Variants in OSGIN2 observed in about 807,000 individuals in gnomAD.
OSGIN2 encodes the protein oxidative stress induced growth inhibitor family member 2, also known as oxidative stress-induced growth inhibitor 2.
A neutral mutation model predicts 53.8 loss-of-function variants in OSGIN2; 19 were observed. That is an observed-to-expected ratio of 0.35 (90% CI 0.25 to 0.52). OSGIN2 has a LOEUF of 0.52. Ranked by LOEUF, OSGIN2 falls within the 20% of genes least tolerant of loss-of-function variation. The pLI is 0.95. For missense variants in OSGIN2, 520 were observed against 662.7 expected (o/e 0.78, Z 2.36); for synonymous variants, 236 against 236.0 (o/e 1.00, Z 0.00).
chr8:89,914,405 G>A (rs1809035468), intron 3 of OSGIN2, 150 bp from the exon 4 acceptor site: 2 of 700,794 alleles, frequency 2.9e-6, no homozygotes, highest in Non-Finnish European at 4.7e-6. Context: ...AGAGTTTTCT[G>A]AATTATTTTC....
chr8:89,902,802 G>A lies in OSGIN2; in HGVS notation c.9G>A (p.Val3=). 1.5e-6 allele frequency: 2 copies of A among 1,350,298 alleles called. No homozygotes were observed. Among genetic ancestry groups the A allele is most frequent in the African/African-American group, 1.5e-5 (1 of 67,026 alleles). The allele number at this position is 1,350,298 out of a possible 1,614,324, so 83.6% of individuals were successfully genotyped here. Residue 3 remains valine, a synonymous_variant, in exon 1 of 6, where the codon GTG becomes GTA. Transcript: ENST00000451899. ...CCCTCGCGCAGCGCTCCATGCCCGT[G>A]TGGTGCTGCCGCTGCTCCCTGGCCG... is the stretch of plus-strand genomic sequence containing the variant. The part of the protein sequence containing the change: MP[V]WCCRCSLAGH...
chr8:89,904,082 G>C (rs1236585376), intron 1 of OSGIN2, among the ~76,000 whole-genome samples: 1 of 152,168 alleles, frequency 6.6e-6, no homozygotes, highest in Admixed American at 6.6e-5. Flanking sequence ...TGAGTCTCTA[G>C]GTTGTGGATA....
rs529610109 is a variant in OSGIN2 at position 89,924,709 on chromosome 8, A to C, written c.827A>C (p.Lys276Thr). 6.2e-7 allele frequency: 1 copy of C among 1,614,132 alleles called. No homozygotes were observed. Among genetic ancestry groups the C allele is most frequent in the Admixed American group, 1.7e-5 (1 of 60,020 alleles). Residue 276 changes from lysine (K) to threonine (T), a missense_variant, in exon 6 of 6, where the codon AAG becomes ACG. By Grantham distance (78) the Lys-to-Thr change is moderately conservative (BLOSUM62 -1). Transcript: ENST00000451899. ...CAGATAGAGAAGTCAAACTTTATCA[A>C]GAGAAACTGGGAAATTAGGGGTTAT... ...HLQIEKSNFIKRNWEIRGYQR... is the reference protein window; with the variant it reads ...HLQIEKSNFITRNWEIRGYQR...
chr8:89,921,424 T>G (rs1809201074), intron 5 of OSGIN2: 3 of 347,178 alleles, frequency 8.6e-6, no homozygotes, highest in Non-Finnish European at 1.6e-5. Context: ...TTATCTACTG[T>G]CTTGTTACAT....
intron 5 of OSGIN2, 110 bp from the exon 6 acceptor site, chr8:89,924,393 G>A (rs918973015): frequency 1.3e-6 from 1 of 772,232 alleles, no homozygotes; most frequent in African/African-American, 1.7e-5. Context: ...GTATAGCTAA[G>A]ACAGTCCAGC....
intron 1 of OSGIN2, among the ~76,000 whole-genome samples, chr8:89,908,212 CA>C (rs1416224392): frequency 1.3e-5 from 2 of 152,162 alleles, no homozygotes; most frequent in Admixed American, 1.3e-4. Flanking sequence ...ATGGATTGAG[CA>C]TATAAAACTT....
intron 4 of OSGIN2, among the ~76,000 whole-genome samples, chr8:89,915,558 C>T (rs1809060625): frequency 6.6e-6 from 1 of 152,128 alleles, no homozygotes; most frequent in East Asian, 1.9e-4. Flanking sequence ...ATTAGGGGGC[C>T]AGTAAGTAAT....
At chr8:89,914,364 C>T in intron 3 of OSGIN2, 151 bp downstream of exon 3, 1 of 706,986 alleles carries the variant, frequency 1.4e-6, no homozygotes, top group Non-Finnish European at 2.3e-6. Context: ...TTCTGAGTTA[C>T]TTCTGTTTAT....
At chr8:89,903,508 A>G (rs755989063) in intron 1 of OSGIN2, among the ~76,000 whole-genome samples, 13 of 152,256 alleles carry the variant, frequency 8.5e-5, no homozygotes, top group Non-Finnish European at 1.2e-4. Context: ...ATGGTTAAGC[A>G]TAGGGAATAC....
rs1431514256 is a variant in OSGIN2 at position 89,924,425 on chromosome 8, C to G, written c.621-78C>G. ...CAGCAGAATTAAAAAGCTATAAAAG[C>G]TTACTAGGTAGATAAGTAATAATCA... On this transcript the variant is annotated intron_variant, in intron 5 of 5. Coordinates refer to ENST00000451899, the MANE Select transcript of OSGIN2 (RefSeq NM_001126111.3). The G allele has an allele frequency of 1.8e-5, 19 of 1,029,758 alleles. No homozygotes were observed. The Admixed American group carries it at 4.4e-4, about 24-fold the overall frequency. The allele number at this position is 1,029,758 out of a possible 1,614,324, so 63.8% of individuals were successfully genotyped here.
At chr8:89,912,563 C>A (rs141207149) in intron 2 of OSGIN2, among the ~76,000 whole-genome samples, 1 of 151,892 alleles carries the variant, frequency 6.6e-6, no homozygotes, top group Non-Finnish European at 1.5e-5. Context: ...CTGGCCAACA[C>A]GCTGAAACCC....
chr8:89,907,807 A>G (rs1387549149), intron 1 of OSGIN2, among the ~76,000 whole-genome samples: 1 of 152,142 alleles, frequency 6.6e-6, no homozygotes, highest in Non-Finnish European at 1.5e-5. Flanking sequence ...TGTCATCGGG[A>G]GTTTAATGGG....
rs1809345831 is a variant in OSGIN2 at position 89,926,888 on chromosome 8, TAGG to T, written c.*1358_*1360del. 1 of 152,222 alleles carries T rather than the reference TAGG, an allele frequency of 6.6e-6. No homozygotes were observed. Among genetic ancestry groups the T allele is most frequent in the South Asian group, 2.1e-4 (1 of 4,830 alleles). The allele number at this position is 152,222 out of a possible 1,614,324, so 9.4% of individuals were successfully genotyped here. ...TGCAGTATTAAATGCTTAAGCTTAT[TAGG>T]ACCATAATTCACTTTAAATATAATT... On this transcript the variant is annotated 3_prime_UTR_variant, in exon 6 of 6. Coordinates refer to ENST00000451899, the MANE Select transcript of OSGIN2 (RefSeq NM_001126111.3).
intron 4 of OSGIN2, among the ~76,000 whole-genome samples, chr8:89,919,083 C>G (rs776502674): frequency 6.6e-6 from 1 of 152,146 alleles, no homozygotes; most frequent in Non-Finnish European, 1.5e-5. Flanking sequence ...ATGTAGACTT[C>G]GTAATGTATC....
chr8:89,907,102 TTTCTG>T (rs1183230740), intron 1 of OSGIN2, among the ~76,000 whole-genome samples: 1 of 152,184 alleles, frequency 6.6e-6, no homozygotes, highest in African/African-American at 2.4e-5. Context: ...TTTGCCCACT[TTTCTG>T]TGGGGTTGTT....
intron 5 of OSGIN2, among the ~76,000 whole-genome samples, chr8:89,921,554 A>ACC (rs1161119256): frequency 6.6e-6 from 1 of 152,220 alleles, no homozygotes. Context: ...AACTCTGCAT[A>ACC]CCTAAAGTGT....
At chr8:89,917,461 C>T (rs1418892593) in intron 4 of OSGIN2, among the ~76,000 whole-genome samples, 2 of 152,120 alleles carry the variant, frequency 1.3e-5, no homozygotes, top group Non-Finnish European at 2.9e-5. Context: ...ACCCATTGTC[C>T]TTCTGTCACA....
In OSGIN2 at chr8:89,926,915, T is replaced by C. The variant is rs899731149; in HGVS notation, c.*1383T>C. The C allele has an allele frequency of 3.9e-5, 6 of 152,188 alleles. No individual in the cohort carries two copies. The highest frequency in any genetic ancestry group is 1.4e-4 in the African/African-American group (6 of 41,446). 9.4% of individuals were successfully genotyped at this position (152,188 alleles called of 1,614,324 possible). A position where few individuals can be genotyped will look rare whatever the true frequency, so the allele number is the denominator to read the frequency against. ...GGACCATAATTCACTTTAAATATAA[T>C]TGTATAGAATATATTTGCGTCGATC... On this transcript the variant is annotated 3_prime_UTR_variant, in exon 6 of 6. Transcript: ENST00000451899.
chr8:89,919,243 A>G (rs888498080), intron 4 of OSGIN2, among the ~76,000 whole-genome samples: 4 of 152,178 alleles, frequency 2.6e-5, no homozygotes, highest in Admixed American at 6.5e-5. Flanking sequence ...CTCAGTAAAG[A>G]TGGTGTACTT....
Sources: allele counts gnomAD v4.1 joint callset (sites outside exome capture counted in the v4.1 genomes callset), GRCh38; gene constraint gnomAD v4.1.1; transcripts MANE v1.5; gene names NCBI Gene and HGNC (gene_info 2026-07-23, HGNC 2026-07-21).